The following NECTIN1 variants were observed in gnomAD, a reference collection of about 807,000 sequenced individuals.
The protein encoded by NECTIN1 is nectin cell adhesion molecule 1.
A neutral mutation model predicts 48.0 loss-of-function variants in NECTIN1; 23 were observed. The ratio of observed to expected loss-of-function variants is 0.48; its 90% CI spans 0.34 to 0.68. NECTIN1 has a LOEUF of 0.68. Among genes scored for constraint, NECTIN1 ranks in the 30% least tolerant of loss-of-function variants. The pLI is 0.01. For synonymous variants in NECTIN1, 270 were observed against 288.9 expected (o/e 0.93, Z 0.66); for missense variants, 591 against 709.9 (o/e 0.83, Z 1.90).
intron 1 of NECTIN1, among the ~76,000 whole-genome samples, chr11:119,685,881 A>C (rs1330280254): frequency 6.6e-6 from 1 of 152,130 alleles, no homozygotes; most frequent in Non-Finnish European, 1.5e-5. Flanking sequence ...CTTTGCTGTA[A>C]AATGGGGAAT....
chr11:119,658,126 A>C (rs1192072660), downstream of NECTIN1, among the ~76,000 whole-genome samples: 1 of 152,158 alleles, frequency 6.6e-6, no homozygotes, highest in African/African-American at 2.4e-5. Flanking sequence ...GCGGCCAGCC[A>C]TGTGCTTTTC....
chr11:119,642,094 G>A (rs1395812751), intron 5 of NECTIN1: 1 of 152,186 alleles, frequency 6.6e-6, no homozygotes, highest in Non-Finnish European at 1.5e-5. Flanking sequence ...CCTGCACAGT[G>A]CCTGGCATGC....
chr11:119,706,338 C>T (rs777547294), intron 1 of NECTIN1, among the ~76,000 whole-genome samples: 2 of 152,230 alleles, frequency 1.3e-5, no homozygotes, highest in Non-Finnish European at 2.9e-5. Context: ...TCCTTGGGAA[C>T]TGGATCCCAC....
At chr11:119,650,221 G>C (rs926321716) in intron 5 of NECTIN1, among the ~76,000 whole-genome samples, 2 of 152,164 alleles carry the variant, frequency 1.3e-5, no homozygotes, top group Non-Finnish European at 2.9e-5. Context: ...AATGTCATCA[G>C]TTAAGGCAGG....
intron 1 of NECTIN1, among the ~76,000 whole-genome samples, chr11:119,706,139 T>C (rs1305149242): frequency 6.6e-6 from 1 of 152,190 alleles, no homozygotes; most frequent in African/African-American, 2.4e-5. Context: ...CACCTTCCCC[T>C]TCCGTCCCCA....
At chr11:119,668,791 GCTGGCT>G (rs1864819764) in intron 5 of NECTIN1, among the ~76,000 whole-genome samples, 1 of 152,216 alleles carries the variant, frequency 6.6e-6, no homozygotes, top group Admixed American at 6.5e-5. Context: ...AGTTACCATG[GCTGGCT>G]CTGGTCCTTC....
At chr11:119,667,984 C>T (rs1379860540) in intron 5 of NECTIN1, among the ~76,000 whole-genome samples, 4 of 152,186 alleles carry the variant, frequency 2.6e-5, no homozygotes, top group Admixed American at 6.5e-5. Flanking sequence ...GTTACCTTCT[C>T]GTGCACACTG....
intron 4 of NECTIN1, chr11:119,676,810 C>T (rs537519885): frequency 4.4e-6 from 2 of 455,546 alleles, no homozygotes; most frequent in East Asian, 9.1e-5. Flanking sequence ...ACTGAATCAC[C>T]AAAGGAAAAC....
At position 119,661,870 on chromosome 11, in the gene NECTIN1, G is replaced by C. The variant is rs1283648843; in HGVS notation, c.*2877C>G. On this transcript the variant is annotated 3_prime_UTR_variant, in exon 6 of 6. Coordinates refer to ENST00000264025, the MANE Select transcript of NECTIN1 (RefSeq NM_002855.5). The stretch of plus-strand genomic sequence containing the variant: ...TGCGTGTACACATGCCTGCGCGTGG[G>C]TGTGTTGGAGGTGTGAGTGTGTCCA... 1 of 985,292 alleles carries C rather than the reference G, an allele frequency of 1.0e-6. No individual in the cohort carries two copies. 61.0% of individuals were successfully genotyped at this position (985,292 alleles called of 1,614,324 possible).
At position 119,677,124 on chromosome 11, in the gene NECTIN1, C is replaced by A. The variant is rs1591457495; in HGVS notation, c.829G>T (p.Ala277Ser). The change falls in exon 4 of 6, where the codon GCC (alanine) becomes TCC (serine). Residue 277 changes from alanine (A) to serine (S), a missense_variant. Coordinates refer to ENST00000264025, the MANE Select transcript of NECTIN1 (RefSeq NM_002855.5). The surrounding 1 kb of genome is among the most constrained non-coding windows in gnomAD (Gnocchi z 5.4). ...TACGTGGTCCAGTGGTACTCAGTGG[C>A]TGGGGGGTTAGCATCAGCTTTGCAG... ...LTCKADANPP[A>S]TEYHWTTLNG... 1 of 1,613,996 alleles carries A rather than the reference C, an allele frequency of 6.2e-7. No individual in the cohort carries two copies. Among genetic ancestry groups the A allele is most frequent in the Non-Finnish European group, 8.5e-7 (1 of 1,180,030 alleles).
chr11:119,728,549 G>T lies in NECTIN1; in HGVS notation c.5C>A (p.Ala2Asp). 2 of 1,577,320 alleles carry T rather than the reference G, an allele frequency of 1.3e-6. No individual in the cohort carries two copies. Among genetic ancestry groups the T allele is most frequent in the Non-Finnish European group, 1.7e-6 (2 of 1,160,704 alleles). Reference protein sequence around the residue: MARMGLAGAAGR... With the variant: MDRMGLAGAAGR... The stretch of plus-strand genomic sequence containing the variant: ...AGCGGCGCCCGCAAGCCCCATCCGA[G>T]CCATCGGGGGCCGGGGGTCCGGCGA... Residue 2 changes from alanine to aspartate, a missense_variant, in exon 1 of 6, where the codon GCT becomes GAT. Physicochemically the swap from Ala to Asp is moderately radical, Grantham distance 126 (BLOSUM62 -2). Transcript: ENST00000264025.
intron 4 of NECTIN1, among the ~76,000 whole-genome samples, chr11:119,675,849 T>G (rs919721074): frequency 2.0e-5 from 3 of 151,932 alleles, no homozygotes; most frequent in Non-Finnish European, 2.9e-5. Context: ...CTACTAAAAG[T>G]ACAAAAATTA....
At chr11:119,711,341 G>T (rs1865642057) in intron 1 of NECTIN1, among the ~76,000 whole-genome samples, 1 of 151,548 alleles carries the variant, frequency 6.6e-6, no homozygotes, top group Admixed American at 6.6e-5. Context: ...AGTGAGCTGA[G>T]ATCGTGCCAC....
rs1864706741 is a variant in NECTIN1, at chr11:119,663,590, G to GCCCC, written c.*1156_*1157insGGGG. On this transcript the variant is annotated 3_prime_UTR_variant, in exon 6 of 6. Coordinates refer to ENST00000264025, the MANE Select transcript of NECTIN1 (RefSeq NM_002855.5). ...CTCGGACTGTGTTTGCAGAGCTTCT[G>GCCCC]CCATGTGGGCTTCCTTCCCCACTAC... 1 of 985,530 alleles carries GCCCC rather than the reference G, an allele frequency of 1.0e-6. No individual in the cohort carries two copies. Among genetic ancestry groups the GCCCC allele is most frequent in the Admixed American group, 6.1e-5 (1 of 16,272 alleles). The allele number at this position is 985,530 out of a possible 1,614,324, so 61.0% of individuals were successfully genotyped here.
chr11:119,655,426 T>C (rs4271390), intron 5 of NECTIN1, among the ~76,000 whole-genome samples: 103,378 of 151,894 alleles, frequency 0.68, 35,918 homozygotes, highest in Admixed American at 0.75. Flanking sequence ...GCGACTGGTC[T>C]GTAGGTAAGT....
At position 119,648,063 on chromosome 11, in the gene NECTIN1, CAAAAAAAAA is replaced by C. The variant is rs55695982; in HGVS notation, c.1004-8060_1004-8052del. Among the ~76,000 whole-genome samples, 297 of 43,094 alleles carry C rather than the reference CAAAAAAAAA, an allele frequency of 6.9e-3. 6 individuals are homozygous for C. The highest frequency in any genetic ancestry group is 0.024 in the African/African-American group (284 of 11,862). 28.3% of individuals were successfully genotyped at this position (43,094 alleles called of 152,430 possible). On this transcript the variant is annotated intron_variant, in intron 5 of 7. Transcript: ENST00000341398. ...TGGGTGACAGAGTGAGACACCGTCT[CAAAAAAAAA>C]AAAAAAAAAAAAAAAAAAGGGAGGA...
Position 119,699,012 on chromosome 11 carries a change from C to T in NECTIN1, c.80-20247G>A, listed in dbSNP as rs552677242. ...AAGCTCCACAATGGGTGTCAGACAGCTCAATTGTTTCCTCGAAAATCAGCA... is the reference window on the plus strand; with the variant it reads ...AAGCTCCACAATGGGTGTCAGACAGTTCAATTGTTTCCTCGAAAATCAGCA... On this transcript the variant is annotated intron_variant, in intron 1 of 5. Coordinates refer to ENST00000264025, the MANE Select transcript of NECTIN1 (RefSeq NM_002855.5). Among the ~76,000 whole-genome samples, 21 of 152,308 alleles carry T rather than the reference C, an allele frequency of 1.4e-4. No homozygotes were observed. The East Asian group carries it at 3.7e-3, about 27-fold the overall frequency.
chr11:119,670,576 C>T (rs968693153), intron 5 of NECTIN1, among the ~76,000 whole-genome samples: 2 of 150,314 alleles, frequency 1.3e-5, no homozygotes, highest in African/African-American at 2.4e-5. Flanking sequence ...GGTGTGGTGG[C>T]TTGGGACCAG....
chr11:119,648,261 AATAGTGGTGGTGGTGATGGTGGTGGTG>A (rs1162339068), intron 5 of NECTIN1, among the ~76,000 whole-genome samples: 1,774 of 9,066 alleles, frequency 0.2, 379 homozygotes, highest in African/African-American at 0.29. Flanking sequence ...TAGAGGTGGT[AATAGTGGTGGTGGTGATGGTGGTGGTG>A]ATGGTGGTGG....
Sources: allele counts gnomAD v4.1 joint callset (sites outside exome capture counted in the v4.1 genomes callset), GRCh38; gene constraint gnomAD v4.1.1; non-coding constraint Gnocchi (gnomAD v3.1); transcripts MANE v1.5; gene names NCBI Gene and HGNC (gene_info 2026-07-23, HGNC 2026-07-21).